Variants in CNGB3 observed in about 807,000 individuals in gnomAD.
CNGB3 encodes cyclic nucleotide-gated channel beta-3.
CNGB3 carries 86 observed loss-of-function variants against 92.8 expected under a neutral mutation model. The ratio of observed to expected loss-of-function variants is 0.93; its 90% CI spans 0.78 to 1.11. The LOEUF is 1.11. Ranked by LOEUF, CNGB3 falls within the 50% of genes least tolerant of loss-of-function variation. The pLI is 0.00. For synonymous variants in CNGB3, 333 were observed against 332.7 expected (o/e 1.00, Z -0.01); for missense variants, 1,026 against 956.8 (o/e 1.07, Z -0.95).
At chr8:86,670,831 C>T (rs902718785) in intron 4 of CNGB3, 113 bp downstream of exon 4, 89 of 1,145,106 alleles carry the variant, frequency 7.8e-5, no homozygotes, top group African/African-American at 1.1e-4. Flanking sequence ...ATAAACTGTA[C>T]GTAAATCATT....
At chr8:86,618,660 A>G (rs1396549550) in intron 13 of CNGB3, among the ~76,000 whole-genome samples, 1 of 152,236 alleles carries the variant, frequency 6.6e-6, no homozygotes, top group African/African-American at 2.4e-5. Context: ...TTATAAACTC[A>G]CTATTCAAAA....
intron 3 of CNGB3, among the ~76,000 whole-genome samples, chr8:86,681,213 T>C (rs1197119926): frequency 1.3e-5 from 2 of 152,200 alleles, no homozygotes. Flanking sequence ...TAGGAAAGTA[T>C]ATCTATTATA....
chr8:86,708,828 A>G (rs1824698616), intron 3 of CNGB3, among the ~76,000 whole-genome samples: 1 of 152,150 alleles, frequency 6.6e-6, no homozygotes, highest in Non-Finnish European at 1.5e-5. Context: ...GCCTTGGCCA[A>G]TAAAAGCTTT....
chr8:86,716,231 G>A (rs573419476), intron 3 of CNGB3, among the ~76,000 whole-genome samples: 16 of 152,098 alleles, frequency 1.1e-4, no homozygotes, highest in Non-Finnish European at 1.8e-4. Flanking sequence ...ACTATGTTAA[G>A]CATCCAAACC....
intron 3 of CNGB3, among the ~76,000 whole-genome samples, chr8:86,711,916 A>T (rs1466822008): frequency 6.6e-6 from 1 of 151,322 alleles, no homozygotes; most frequent in Admixed American, 6.6e-5. Context: ...ACTATGAGTA[A>T]TTACTTTTTT....
chr8:86,729,366 G>T (rs1188660353), intron 2 of CNGB3, among the ~76,000 whole-genome samples: 1 of 152,102 alleles, frequency 6.6e-6, no homozygotes, highest in Non-Finnish European at 1.5e-5. Flanking sequence ...TTCCTAATAA[G>T]AATTTTTGTT....
At chr8:86,580,489 A>G (rs35043924) in intron 15 of CNGB3, among the ~76,000 whole-genome samples, 11,694 of 152,194 alleles carry the variant, frequency 0.077, 607 homozygotes, top group Non-Finnish European at 0.11. Context: ...GGTGAATCCA[A>G]TCTCATCTCC....
chr8:86,627,249 T>G (rs1230105391), intron 12 of CNGB3, among the ~76,000 whole-genome samples: 1 of 150,942 alleles, frequency 6.6e-6, no homozygotes, highest in East Asian at 1.9e-4. Context: ...TCTAGTTACC[T>G]CCTAAGCCAA....
At chr8:86,649,304 A>G (rs1823353109) in intron 7 of CNGB3, among the ~76,000 whole-genome samples, 1 of 151,696 alleles carries the variant, frequency 6.6e-6, no homozygotes, top group Admixed American at 6.6e-5. Context: ...TTTTCACAGA[A>G]TTAGAAAAAA....
chr8:86,579,788 G>A (rs1821726877), intron 15 of CNGB3, among the ~76,000 whole-genome samples: 1 of 152,184 alleles, frequency 6.6e-6, no homozygotes, highest in Non-Finnish European at 1.5e-5. Context: ...AAAATCTACA[G>A]CTCCTGACAC....
At chr8:86,633,979 A>G (rs1823014284) in intron 10 of CNGB3, among the ~76,000 whole-genome samples, 1 of 152,212 alleles carries the variant, frequency 6.6e-6, no homozygotes, top group Non-Finnish European at 1.5e-5. Flanking sequence ...ATTGAAGAAA[A>G]TCAAGTATGC....
intron 6 of CNGB3, 130 bp from the exon 7 acceptor site, chr8:86,654,192 C>A: frequency 1.4e-6 from 1 of 692,422 alleles, no homozygotes; most frequent in East Asian, 2.7e-5. Flanking sequence ...CTCCATATTC[C>A]CAGGTATTAA....
At chr8:86,640,026 T>G (rs77074868) in intron 10 of CNGB3, among the ~76,000 whole-genome samples, 2,618 of 152,170 alleles carry the variant, frequency 0.017, 70 homozygotes, top group African/African-American at 0.061. Flanking sequence ...ATGGGTAGTT[T>G]CTAATCCTTG....
Position 86,733,224 on chromosome 8 carries a change from TAA to T in CNGB3, c.211+6429_211+6430del, listed in dbSNP as rs1825189587. The stretch of plus-strand genomic sequence containing the variant: ...CTTTCTATTTTTGGGTCAATTTGTT[TAA>T]GATAATGGCCTCCATCTTCATCCAT... On this transcript the variant is annotated intron_variant, in intron 2 of 17. Transcript: ENST00000320005. Among the ~76,000 whole-genome samples, 11 of 152,274 alleles carry T rather than the reference TAA, an allele frequency of 7.2e-5. 1 individual carries two copies. The South Asian group carries it at 2.3e-3, about 32-fold the overall frequency.
chr8:86,723,728 A>G (rs1212606252), intron 3 of CNGB3, among the ~76,000 whole-genome samples: 4 of 152,164 alleles, frequency 2.6e-5, no homozygotes, highest in Non-Finnish European at 5.9e-5. Flanking sequence ...CAATCCTGAG[A>G]AAACATGTGA....
chr8:86,618,701 A>G (rs1046679677), intron 13 of CNGB3, among the ~76,000 whole-genome samples: 59 of 152,256 alleles, frequency 3.9e-4, no homozygotes, highest in African/African-American at 1.3e-3. Flanking sequence ...ACAATACTTC[A>G]TTTCTAATAC....
Position 86,702,261 on chromosome 8 carries a change from T to C in CNGB3, c.338+24270A>G, listed in dbSNP as rs143375899. On this transcript the variant is annotated intron_variant, in intron 3 of 17. Transcript: ENST00000320005. ...TTTGAGGGCTCGGAAGATCAATGAA[T>C]CAGTAATCTGTTCTGCAGCATGGCA... Among the ~76,000 whole-genome samples the C allele has an allele frequency of 2.1e-4, 32 of 152,286 alleles. No homozygotes were observed. The East Asian group carries it at 5.8e-3, about 28-fold the overall frequency.
At chr8:86,578,553 T>C (rs1821700510) in intron 17 of CNGB3, 136 bp downstream of exon 17, 2 of 842,918 alleles carry the variant, frequency 2.4e-6, no homozygotes, top group African/African-American at 1.7e-5. Context: ...GTGCTATATA[T>C]AAAGCAGGAA....
In CNGB3 at chr8:86,653,476, T is replaced by C. The variant is rs182197866; in HGVS notation, c.903+536A>G. On this transcript the variant is annotated intron_variant, in intron 7 of 17. Transcript: ENST00000320005. ...AGTGAGAGGCTAGAGTTCACTCCAATTGGGTAAACCTAAATAACCCCTGAC... is the reference window on the plus strand; with the variant it reads ...AGTGAGAGGCTAGAGTTCACTCCAACTGGGTAAACCTAAATAACCCCTGAC... Among the ~76,000 whole-genome samples, 495 of 152,184 alleles carry C rather than the reference T, an allele frequency of 3.3e-3. 2 individuals carry two copies. Among genetic ancestry groups the C allele is most frequent in the African/African-American group, 9.4e-3 (392 of 41,548 alleles).
Sources: gnomAD v4.1 joint callset for allele counts (sites outside exome capture counted in the v4.1 genomes callset) on GRCh38, gnomAD v4.1.1 for gene constraint, MANE v1.5 for transcripts, NCBI Gene and HGNC (gene_info 2026-07-23, HGNC 2026-07-21) for gene names.